The following FANCB variants were observed in gnomAD, a reference collection of about 807,000 sequenced individuals.
FANCB encodes the protein FA complementation group B.
FANCB carries 5 observed loss-of-function variants against 38.9 expected under a neutral mutation model. That is an observed-to-expected ratio of 0.13 (90% CI 0.07 to 0.27). The LOEUF (loss-of-function observed/expected upper bound fraction) is 0.27. FANCB is among the 10% of genes least tolerant of loss of function. FANCB has a pLI of 1.00. For synonymous variants in FANCB, 236 were observed against 215.4 expected, an observed-to-expected ratio of 1.10 and a Z score of -0.84; for missense variants, 573 against 602.7, an observed-to-expected ratio of 0.95 and a Z score of 0.52.
Position 14,844,363 on chromosome X carries a change from G to A in FANCB, c.2165+140C>T, listed in dbSNP as rs183543454. The stretch of plus-strand genomic sequence containing the variant: ...TTCAGTTTCTAAATGAAGCCGATGC[G>A]TTCATTCATGCTAGGCCATGGCTCT... On this transcript the variant is annotated intron_variant, in intron 9 of 9. Coordinates refer to ENST00000650831, the MANE Select transcript of FANCB (RefSeq NM_001018113.3). 2.5e-3 allele frequency: 1,277 copies of A among 509,693 alleles called. 3 individuals carry two copies. Among genetic ancestry groups the A allele is most frequent in the Non-Finnish European group, 2.2e-3 (652 of 290,605 alleles). The allele number at this position is 509,693 out of a possible 1,213,427, so 42.0% of individuals were successfully genotyped here.
the FANCB span, among the ~76,000 whole-genome samples, chrX:14,749,426 G>A: frequency 9.0e-6 from 1 of 110,878 alleles, no homozygotes; most frequent in Non-Finnish European, 1.9e-5. Flanking sequence ...GGATCTTGTG[G>A]CAGGATCCTC....
At chrX:14,695,917 A>C in the FANCB span, among the ~76,000 whole-genome samples, 1 of 111,153 alleles carries the variant, frequency 9.0e-6, no homozygotes, top group Non-Finnish European at 1.9e-5. Context: ...AGGCAGAGGC[A>C]GTGGGAGTGC....
chrX:14,718,251 T>C, the FANCB span, among the ~76,000 whole-genome samples: 1 of 111,704 alleles, frequency 9.0e-6, no homozygotes, highest in Non-Finnish European at 1.9e-5. Flanking sequence ...AGAGCAGTTT[T>C]CACCAACACT....
downstream of FANCB, among the ~76,000 whole-genome samples, chrX:14,835,772 A>G (rs930963985): frequency 2.7e-5 from 3 of 112,136 alleles, no homozygotes; most frequent in South Asian, 3.7e-4. Context: ...ACAGAAAATA[A>G]CAAGTGTTAG....
downstream of FANCB, among the ~76,000 whole-genome samples, chrX:14,840,251 T>C (rs1057061975): frequency 8.9e-6 from 1 of 112,085 alleles, no homozygotes; most frequent in Non-Finnish European, 1.9e-5. Context: ...CATTCCACTG[T>C]GTCAATTTCA....
the FANCB span, among the ~76,000 whole-genome samples, chrX:14,810,443 A>G: frequency 8.9e-6 from 1 of 112,204 alleles, no homozygotes; most frequent in Non-Finnish European, 1.9e-5. Context: ...ATGTATAGCT[A>G]GAATAACCAA....
At chrX:14,789,917 G>A in the FANCB span, among the ~76,000 whole-genome samples, 1 of 112,159 alleles carries the variant, frequency 8.9e-6, no homozygotes, top group Non-Finnish European at 1.9e-5. Flanking sequence ...AAGAATATAT[G>A]TAAACAATCT....
downstream of FANCB, among the ~76,000 whole-genome samples, chrX:14,832,157 T>C (rs1219322561): frequency 8.9e-6 from 1 of 112,022 alleles, no homozygotes; most frequent in Admixed American, 9.4e-5. Flanking sequence ...AATTTATTGT[T>C]CCTCAGTTCT....
the FANCB span, among the ~76,000 whole-genome samples, chrX:14,719,313 A>G: frequency 4.5e-5 from 5 of 112,050 alleles, no homozygotes; most frequent in Admixed American, 1.9e-4. Context: ...CCAATAAGGG[A>G]TCAATATCAA....
chrX:14,789,585 T>A, the FANCB span, among the ~76,000 whole-genome samples: 1 of 112,409 alleles, frequency 8.9e-6, no homozygotes, highest in East Asian at 2.8e-4. Context: ...CAGGGAGGAA[T>A]AAGGGTTGTC....
chrX:14,864,802 C>A lies in FANCB; in HGVS notation c.709G>T (p.Val237Leu), dbSNP rs1463337461. The A allele has an allele frequency of 1.7e-6, 2 of 1,205,547 alleles. No homozygotes were observed. Reference protein sequence around the residue: ...YIIPPAYSSVVTYVHICATEI... With the variant: ...YIIPPAYSSVLTYVHICATEI... ...GTTGCACAAATATGTACATAAGTCA[C>A]CACACTGCTGTAAGCAGGAGGAATA... is the stretch of plus-strand genomic sequence containing the variant. The change falls in exon 3 of 10, where the codon GTG (valine) becomes TTG (leucine). Residue 237 changes from valine to leucine, a missense_variant. By Grantham distance (32) the Val-to-Leu change is conservative. Transcript: ENST00000650831.
chrX:14,820,817 CAT>C, the FANCB span, among the ~76,000 whole-genome samples: 1 of 111,399 alleles, frequency 9.0e-6, no homozygotes, highest in Non-Finnish European at 1.9e-5. Flanking sequence ...TAGATGTTAA[CAT>C]GAGGAAAAGC....
the FANCB span, among the ~76,000 whole-genome samples, chrX:14,764,336 C>G: frequency 9.0e-5 from 10 of 111,422 alleles, no homozygotes; most frequent in Non-Finnish European, 1.7e-4. Context: ...AGAGTCTGCT[C>G]ATATTCCATC....
chrX:14,783,187 G>T, the FANCB span, among the ~76,000 whole-genome samples: 4 of 112,201 alleles, frequency 3.6e-5, no homozygotes, highest in East Asian at 1.1e-3. Flanking sequence ...ATAGCAAAAA[G>T]AATGAAATAT....
the FANCB span, among the ~76,000 whole-genome samples, chrX:14,797,515 C>G: frequency 9.1e-6 from 1 of 110,285 alleles, no homozygotes; most frequent in African/African-American, 3.3e-5. Flanking sequence ...AACCCCATCT[C>G]TACTAAAAAT....
the FANCB span, among the ~76,000 whole-genome samples, chrX:14,706,983 A>C: frequency 2.7e-5 from 3 of 111,138 alleles, no homozygotes; most frequent in Non-Finnish European, 5.7e-5. Context: ...GAATCATTGA[A>C]TGTTCTTTCA....
chrX:14,752,373 T>C, the FANCB span, among the ~76,000 whole-genome samples: 1 of 112,169 alleles, frequency 8.9e-6, no homozygotes, highest in African/African-American at 3.2e-5. Flanking sequence ...CTAGCAATCA[T>C]TGATCAACAC....
At chrX:14,804,219 G>C in the FANCB span, among the ~76,000 whole-genome samples, 1 of 111,792 alleles carries the variant, frequency 8.9e-6, no homozygotes, top group African/African-American at 3.3e-5. Flanking sequence ...CAATAGCAAA[G>C]ACTTGGAACC....
rs751996827 is a variant in FANCB, at chrX:14,844,709, T to C, written c.1959A>G (p.Ala653=). 1 of 1,210,031 alleles carries C rather than the reference T, an allele frequency of 8.3e-7. No homozygotes were observed. The highest frequency in any genetic ancestry group is 1.8e-5 in the South Asian group (1 of 56,991). Residue 653 remains alanine, a synonymous_variant, in exon 9 of 10, where the codon GCA becomes GCG. Transcript: ENST00000650831. ...EHMEDLFALL[A]AFHKSCFQIT... ...TTTGAAAACAAGATTTATGGAATGC[T>C]GCAAGAAGTGCAAAAAGATCTTCCA...
Sources: gnomAD v4.1 joint callset for allele counts (sites outside exome capture counted in the v4.1 genomes callset) on GRCh38, gnomAD v4.1.1 for gene constraint, MANE v1.5 for transcripts, NCBI Gene and HGNC (gene_info 2026-07-23, HGNC 2026-07-21) for gene names.